Variants in ROBO2 observed in about 807,000 individuals in gnomAD.
ROBO2 encodes the protein roundabout homolog 2.
In ROBO2, 53 loss-of-function variants were observed where a neutral mutation model predicts 160.8. That is an observed-to-expected ratio of 0.33 (90% confidence interval 0.26 to 0.41). The LOEUF is 0.41. ROBO2 is among the 10% of genes least tolerant of loss of function. The probability of loss-of-function intolerance (pLI) is 1.00; values close to 1 mark genes in which losing one functional copy is unlikely to be tolerated. For synonymous variants in ROBO2, 664 were observed against 611.7 expected, an observed-to-expected ratio of 1.09 and a Z score of -1.26; for missense variants, 1,577 against 1,722.4, an observed-to-expected ratio of 0.92 and a Z score of 1.49.
At chr3:76,880,884 A>G (rs1460947861) in intron 2 of ROBO2, among the ~76,000 whole-genome samples, 3 of 152,294 alleles carry the variant, frequency 2.0e-5, no homozygotes, top group East Asian at 1.9e-4. Context: ...CTATTTTAAG[A>G]TAGGAATTTG....
intron 2 of ROBO2, among the ~76,000 whole-genome samples, chr3:76,134,048 C>T (rs2071334772): frequency 6.6e-6 from 1 of 152,026 alleles, no homozygotes; most frequent in South Asian, 2.1e-4. Flanking sequence ...TTTCATAGTA[C>T]ATAGTTTATG....
intron 24 of ROBO2, among the ~76,000 whole-genome samples, chr3:77,637,623 A>T (rs535023639): frequency 6.6e-5 from 10 of 152,282 alleles, no homozygotes; most frequent in Non-Finnish European, 1.3e-4. Context: ...ATAAAAAAGG[A>T]CTACTTTCAC....
At chr3:75,961,718 C>G (rs1239365440) in intron 2 of ROBO2, among the ~76,000 whole-genome samples, 1 of 151,328 alleles carries the variant, frequency 6.6e-6, no homozygotes, top group Admixed American at 6.6e-5. Context: ...CAAACTGAAA[C>G]TTTTTGATGG....
intron 7 of ROBO2, among the ~76,000 whole-genome samples, chr3:77,548,830 CAGAG>C: frequency 6.6e-6 from 1 of 151,752 alleles, no homozygotes. Flanking sequence ...AAGAGATACA[CAGAG>C]AGAAAATACT....
intron 2 of ROBO2, among the ~76,000 whole-genome samples, chr3:77,366,925 A>C (rs2070989665): frequency 1.3e-5 from 2 of 148,632 alleles, no homozygotes; most frequent in African/African-American, 4.9e-5. Flanking sequence ...CCTGGAATTA[A>C]TCTGTGCATG....
chr3:76,863,884 TTG>T lies in ROBO2; in HGVS notation c.110-234128_110-234127del, dbSNP rs202244211. Among the ~76,000 whole-genome samples, 1,450 of 152,198 alleles carry T rather than the reference TTG, an allele frequency of 9.5e-3. 21 individuals carry two copies. Among genetic ancestry groups the T allele is most frequent in the African/African-American group, 0.033 (1,359 of 41,562 alleles). ...GTAATTTAAATTTTTTCCTAAATAA[TTG>T]TCTTTTGTTGAAGCTTAATAAAGAT... On this transcript the variant is annotated intron_variant, in intron 2 of 26. Coordinates refer to the ROBO2 transcript ENST00000487694.
chr3:77,053,440 A>T (rs1045084922), intron 1 of ROBO2, among the ~76,000 whole-genome samples: 1 of 152,182 alleles, frequency 6.6e-6, no homozygotes, highest in Non-Finnish European at 1.5e-5. Flanking sequence ...ACAACATGTT[A>T]AAGACTCTGT....
chr3:76,457,142 A>T (rs1460605787), intron 2 of ROBO2, among the ~76,000 whole-genome samples: 1 of 152,188 alleles, frequency 6.6e-6, no homozygotes, highest in Non-Finnish European at 1.5e-5. Flanking sequence ...GTCTTAACTA[A>T]TTTCACCATT....
chr3:76,334,652 C>G (rs2073742949), intron 2 of ROBO2, among the ~76,000 whole-genome samples: 1 of 152,126 alleles, frequency 6.6e-6, no homozygotes, highest in Admixed American at 6.5e-5. Context: ...GAGATCAACA[C>G]AAGAATTTTA....
intron 2 of ROBO2, among the ~76,000 whole-genome samples, chr3:76,123,946 T>C (rs2070858422): frequency 6.6e-6 from 1 of 152,154 alleles, no homozygotes. Flanking sequence ...CCTTGTTTTA[T>C]GCTGAAGTGT....
At chr3:76,499,987 T>C (rs1329416179) in intron 2 of ROBO2, among the ~76,000 whole-genome samples, 1 of 152,158 alleles carries the variant, frequency 6.6e-6, no homozygotes, top group Non-Finnish European at 1.5e-5. Context: ...CATAAAGACC[T>C]GGCCAAAGGT....
At chr3:76,945,897 G>A (rs2078508016) in intron 2 of ROBO2, among the ~76,000 whole-genome samples, 1 of 151,962 alleles carries the variant, frequency 6.6e-6, no homozygotes, top group Admixed American at 6.5e-5. Flanking sequence ...TCTATTATCC[G>A]TATTATTTTT....
chr3:76,951,063 T>C (rs2078926101), intron 2 of ROBO2, among the ~76,000 whole-genome samples: 1 of 152,210 alleles, frequency 6.6e-6, no homozygotes, highest in Non-Finnish European at 1.5e-5. Context: ...GTCTTTACTT[T>C]GAATAGAGAT....
chr3:76,133,147 C>G (rs2071293385), intron 2 of ROBO2, among the ~76,000 whole-genome samples: 1 of 152,052 alleles, frequency 6.6e-6, no homozygotes, highest in African/African-American at 2.4e-5. Context: ...AGGCACCTCT[C>G]TAAAACAGCA....
chr3:77,558,290 TA>T lies in ROBO2; in HGVS notation c.1437+146del, dbSNP rs552638122. ...AAACAGTTAATGTTATTACTTATTT[TA>T]AAAATGATGAAATGAAATTAGAGGA... On this transcript the variant is annotated intron_variant, in intron 9 of 25. Coordinates refer to ENST00000461745, the Ensembl canonical transcript of ROBO2. 5.8e-5 allele frequency: 42 copies of T among 724,656 alleles called. No homozygotes were observed. The South Asian group carries it at 6.4e-4, about 11-fold the overall frequency. 44.9% of individuals were successfully genotyped at this position (724,656 alleles called of 1,614,324 possible).
chr3:76,307,404 G>A (rs1024515808), intron 2 of ROBO2, among the ~76,000 whole-genome samples: 1 of 152,006 alleles, frequency 6.6e-6, no homozygotes, highest in Non-Finnish European at 1.5e-5. Flanking sequence ...CTGCATTAAA[G>A]CATTTATTAT....
intron 2 of ROBO2, among the ~76,000 whole-genome samples, chr3:75,958,288 C>T (rs1269092336): frequency 1.3e-5 from 2 of 151,720 alleles, no homozygotes; most frequent in African/African-American, 4.8e-5. Flanking sequence ...TTCAATCACT[C>T]CTTTAGTTTT....
At chr3:76,945,675 GC>G (rs2078488335) in intron 2 of ROBO2, among the ~76,000 whole-genome samples, 1 of 152,058 alleles carries the variant, frequency 6.6e-6, no homozygotes, top group South Asian at 2.1e-4. Flanking sequence ...AATTTTAACT[GC>G]CATGTCCTCA....
At chr3:76,798,326 T>A (rs867484402) in intron 2 of ROBO2, among the ~76,000 whole-genome samples, 12 of 123,688 alleles carry the variant, frequency 9.7e-5, no homozygotes, top group African/African-American at 3.5e-4. Context: ...AAAGAACGAA[T>A]GAACTAAAGG....
Sources: gnomAD v4.1 joint callset for allele counts (sites outside exome capture counted in the v4.1 genomes callset) on GRCh38, gnomAD v4.1.1 for gene constraint, MANE v1.5 for transcripts, NCBI Gene and HGNC (gene_info 2026-07-23, HGNC 2026-07-21) for gene names.